The following UNC13C variants were observed in gnomAD, a reference collection of about 807,000 sequenced individuals.
UNC13C encodes protein unc-13 homolog C.
In UNC13C, 174 loss-of-function variants were observed where a neutral mutation model predicts 245.4. That is an observed-to-expected ratio of 0.71 (90% CI 0.63 to 0.80). UNC13C has a LOEUF of 0.80. Ranked by LOEUF, UNC13C falls within the 30% of genes least tolerant of loss-of-function variation. The pLI is 0.00. For missense variants in UNC13C, 2,829 were observed against 2,602.9 expected, an observed-to-expected ratio of 1.09 and a Z score of -1.89; for synonymous variants, 992 against 895.1, an observed-to-expected ratio of 1.11 and a Z score of -1.93.
chr15:54,225,047 T>C (rs1596037637), intron 4 of UNC13C, among the ~76,000 whole-genome samples: 1 of 149,668 alleles, frequency 6.7e-6, no homozygotes, highest in Non-Finnish European at 1.5e-5. Context: ...TTTTCTTATT[T>C]AGCTTGGCTA....
the UNC13C span, among the ~76,000 whole-genome samples, chr15:53,967,741 C>G: frequency 6.6e-6 from 1 of 152,154 alleles, no homozygotes; most frequent in Non-Finnish European, 1.5e-5. Flanking sequence ...AGCTCTTTTG[C>G]TTTAGTGAAG....
the UNC13C span, among the ~76,000 whole-genome samples, chr15:53,962,345 C>T: frequency 6.6e-6 from 1 of 151,822 alleles, no homozygotes; most frequent in Non-Finnish European, 1.5e-5. Context: ...ATTTGCTAAC[C>T]ATGTTTAGAT....
intron 30 of UNC13C, among the ~76,000 whole-genome samples, chr15:54,568,863 T>G (rs779983784): frequency 6.6e-6 from 1 of 152,156 alleles, no homozygotes. Context: ...AAGATAAAGC[T>G]AAATGTGCTA....
At chr15:54,167,352 A>C (rs565684477) in intron 4 of UNC13C, among the ~76,000 whole-genome samples, 5 of 151,696 alleles carry the variant, frequency 3.3e-5, no homozygotes, top group African/African-American at 1.2e-4. Flanking sequence ...AATACAAAAA[A>C]TTAGCCGGGC....
intron 20 of UNC13C, among the ~76,000 whole-genome samples, chr15:54,497,104 T>G (rs1404254547): frequency 2.6e-5 from 4 of 152,126 alleles, no homozygotes; most frequent in African/African-American, 9.7e-5. Context: ...TGCCAGATGC[T>G]TCTGCTTCTG....
chr15:54,576,469 C>T (rs936659393), intron 30 of UNC13C, among the ~76,000 whole-genome samples: 3 of 152,172 alleles, frequency 2.0e-5, no homozygotes, highest in Non-Finnish European at 4.4e-5. Context: ...AATAAATCCC[C>T]GCCGCAAACT....
In UNC13C at chr15:54,212,306, A is replaced by G. The variant is rs184183997; in HGVS notation, c.3072-22724A>G. Among the ~76,000 whole-genome samples, 9 of 152,228 alleles carry G rather than the reference A, an allele frequency of 5.9e-5. No individual in the cohort carries two copies. In the East Asian group the frequency reaches 9.7e-4, roughly 16 times the overall value. ...AGGCATGCGCCCAAAGGAAAAATTC[A>G]GGTAGATGTTTGTATCATTTTTATG... On this transcript the variant is annotated intron_variant, in intron 4 of 32. Transcript: ENST00000260323.
chr15:54,260,576 ATATG>A (rs1236993690), intron 8 of UNC13C, among the ~76,000 whole-genome samples: 2 of 149,044 alleles, frequency 1.3e-5, no homozygotes, highest in East Asian at 2.0e-4. Flanking sequence ...ACATATATGT[ATATG>A]TATGTATATT....
At chr15:54,050,283 T>C (rs1456009855) in intron 2 of UNC13C, 2 of 580,086 alleles carry the variant, frequency 3.4e-6, no homozygotes, top group Non-Finnish European at 6.7e-6. Context: ...TGAAGAGGTT[T>C]AATGATTAGC....
intron 19 of UNC13C, among the ~76,000 whole-genome samples, chr15:54,480,254 T>C (rs1893029933): frequency 6.6e-6 from 1 of 151,690 alleles, no homozygotes. Context: ...TGCTGTGGTC[T>C]TTATTATTTA....
chr15:54,472,149 C>G (rs766924390), intron 19 of UNC13C, among the ~76,000 whole-genome samples: 1 of 151,390 alleles, frequency 6.6e-6, no homozygotes, highest in Non-Finnish European at 1.5e-5. Context: ...TTGTGGTTAC[C>G]CTAATGCTTA....
At chr15:54,274,704 C>A (rs1478567929) in intron 10 of UNC13C, among the ~76,000 whole-genome samples, 1 of 122,406 alleles carries the variant, frequency 8.2e-6, no homozygotes, top group Non-Finnish European at 1.6e-5. Flanking sequence ...CGGAGTCTCG[C>A]TCTGTCGCCC....
the UNC13C span, among the ~76,000 whole-genome samples, chr15:53,852,963 C>A: frequency 6.6e-6 from 1 of 151,424 alleles, no homozygotes; most frequent in African/African-American, 2.4e-5. Flanking sequence ...TGTGTGTGCA[C>A]GCACTCTGCC....
the UNC13C span, among the ~76,000 whole-genome samples, chr15:53,876,894 C>A: frequency 3.3e-5 from 5 of 152,142 alleles, no homozygotes; most frequent in Non-Finnish European, 7.3e-5. Flanking sequence ...CTATTGTCAA[C>A]AGTTCCAGTT....
chr15:54,063,615 A>G (rs2141083004), intron 2 of UNC13C, among the ~76,000 whole-genome samples: 1 of 152,280 alleles, frequency 6.6e-6, no homozygotes, highest in Admixed American at 6.5e-5. Context: ...TTTTCCAGCA[A>G]TAGCATGGAA....
At chr15:53,929,497 G>T in the UNC13C span, among the ~76,000 whole-genome samples, 1 of 152,138 alleles carries the variant, frequency 6.6e-6, no homozygotes, top group African/African-American at 2.4e-5. Flanking sequence ...GATACAGTAA[G>T]AAGTCATTTT....
Position 54,086,803 on chromosome 15 carries a change from TC to T in UNC13C, c.2984-56214del, listed in dbSNP as rs1226113467. 5.1e-5 allele frequency among the ~76,000 whole-genome samples: 7 copies of T among 137,336 alleles called. No homozygotes were observed. In the Admixed American group the frequency reaches 5.6e-4, roughly 11 times the overall value. The allele number at this position is 137,336 out of a possible 152,430, so 90.1% of individuals were successfully genotyped here. On this transcript the variant is annotated intron_variant, in intron 2 of 32. Coordinates refer to ENST00000260323, the MANE Select transcript of UNC13C (RefSeq NM_001080534.3). ...CAGGCTGGAGTGCAGTGGCGAGATC[TC>T]AGCTCACTGCAGCCTCCGCCCTCCA...
At chr15:53,939,372 G>A in the UNC13C span, among the ~76,000 whole-genome samples, 1 of 151,980 alleles carries the variant, frequency 6.6e-6, no homozygotes, top group Non-Finnish European at 1.5e-5. Context: ...AAAACCCCGG[G>A]ACCCGATGGA....
At chr15:54,205,614 A>G (rs2034683927) in intron 4 of UNC13C, among the ~76,000 whole-genome samples, 1 of 152,022 alleles carries the variant, frequency 6.6e-6, no homozygotes, top group Non-Finnish European at 1.5e-5. Context: ...TATTTCCACC[A>G]TTTAGCCCCA....
Sources: allele counts gnomAD v4.1 joint callset (sites outside exome capture counted in the v4.1 genomes callset), GRCh38; gene constraint gnomAD v4.1.1; transcripts MANE v1.5; gene names NCBI Gene and HGNC (gene_info 2026-07-23, HGNC 2026-07-21).